Variants in CNGB3 observed in about 807,000 individuals in gnomAD.
CNGB3 encodes cyclic nucleotide gated channel subunit beta 3.
CNGB3 carries 86 observed loss-of-function variants against 92.8 expected under a neutral mutation model. The observed-to-expected ratio is 0.93, with a 90% CI of 0.78 to 1.11. The LOEUF (loss-of-function observed/expected upper bound fraction) is 1.11. Among genes scored for constraint, CNGB3 ranks in the 50% least tolerant of loss-of-function variants. CNGB3 has a pLI of 0.00. For synonymous variants in CNGB3, 333 were observed against 332.7 expected (o/e 1.00, Z -0.01); for missense variants, 1,026 against 956.8 (o/e 1.07, Z -0.95).
intron 3 of CNGB3, among the ~76,000 whole-genome samples, chr8:86,701,451 G>A (rs189281836): frequency 3.3e-5 from 5 of 152,170 alleles, no homozygotes; most frequent in Admixed American, 3.3e-4. Context: ...AAGCTTTGGA[G>A]GACATCTCAT....
rs369251396 is a variant in CNGB3, at chr8:86,600,715, T to C, written c.1781+3378A>G. The stretch of plus-strand genomic sequence containing the variant: ...AGCTCTGCCTCCTGGGTTCATGCTA[T>C]TCTCCTGCCTCAGCCTCCCGAGTAG... On this transcript the variant is annotated intron_variant, in intron 15 of 17. Transcript: ENST00000320005. Among the ~76,000 whole-genome samples the C allele has an allele frequency of 2.5e-3, 369 of 150,098 alleles. 9 individuals are homozygous for C. The South Asian group carries it at 0.028, about 12-fold the overall frequency.
chr8:86,619,476 T>C (rs931673523), intron 13 of CNGB3, among the ~76,000 whole-genome samples: 10 of 152,148 alleles, frequency 6.6e-5, no homozygotes. Context: ...ATCTCTGAGC[T>C]ATTTCAAATC....
chr8:86,635,978 T>G (rs1255399006), intron 10 of CNGB3, among the ~76,000 whole-genome samples: 1 of 150,738 alleles, frequency 6.6e-6, no homozygotes, highest in Admixed American at 6.6e-5. Flanking sequence ...AAACATAACA[T>G]GCAATTTCCC....
chr8:86,604,163 C>G lies in CNGB3; in HGVS notation c.1711G>C (p.Val571Leu). 1 of 1,613,726 alleles carries G rather than the reference C, an allele frequency of 6.2e-7. No homozygotes were observed. The highest frequency in any genetic ancestry group is 8.5e-7 in the Non-Finnish European group (1 of 1,179,686). The change falls in exon 15 of 18, where the codon GTT (valine) becomes CTT (leucine). Residue 571 changes from valine (V) to leucine (L), a missense_variant. Physicochemically the swap from Val to Leu is conservative, Grantham distance 32. Transcript: ENST00000320005. Reference protein sequence around the residue: ...MYIIKHGEVQVLGGPDGTKVL... With the variant: ...MYIIKHGEVQLLGGPDGTKVL... ...TTAGTACCATCAGGGCCTCCAAGAA[C>G]TTGGACTTCTCCATGCTTGATGATA... is the stretch of plus-strand genomic sequence containing the variant.
At chr8:86,591,702 A>G (rs1307953597) in intron 15 of CNGB3, among the ~76,000 whole-genome samples, 150 of 152,116 alleles carry the variant, frequency 9.9e-4, no homozygotes, top group Middle Eastern at 3.4e-3. Flanking sequence ...CCTGTTCTCA[A>G]ATCTCCAGCT....
chr8:86,580,833 C>A (rs560536775), intron 15 of CNGB3, among the ~76,000 whole-genome samples: 1 of 152,174 alleles, frequency 6.6e-6, no homozygotes, highest in African/African-American at 2.4e-5. Flanking sequence ...CAGATTGAAC[C>A]CCTTGGAGTT....
chr8:86,652,398 T>G (rs891745201), intron 7 of CNGB3, among the ~76,000 whole-genome samples: 3 of 152,000 alleles, frequency 2.0e-5, no homozygotes, highest in South Asian at 2.1e-4. Context: ...ATTTAACAAT[T>G]TTTTCTTTAA....
At chr8:86,741,668 A>G (rs1178595418) in intron 1 of CNGB3, among the ~76,000 whole-genome samples, 1 of 152,056 alleles carries the variant, frequency 6.6e-6, no homozygotes, top group African/African-American at 2.4e-5. Flanking sequence ...TCTGTCTCAA[A>G]AAAAACAAAA....
Position 86,666,993 on chromosome 8 carries a change from T to C in CNGB3, c.784A>G (p.Ile262Val), listed in dbSNP as rs1167518788. 1 of 1,613,744 alleles carries C rather than the reference T, an allele frequency of 6.2e-7. No individual in the cohort carries two copies. Among genetic ancestry groups the C allele is most frequent in the Non-Finnish European group, 8.5e-7 (1 of 1,180,010 alleles). ...YWLIADIICD[I>V]IYLYDMLFIQ... ...AATAGCATATCATAAAGGTAGATGA[T>C]ATCACATATGATGTCCGCAATAAGC... Residue 262 changes from isoleucine to valine, a missense_variant, in exon 6 of 18, where the codon ATC becomes GTC. Coordinates refer to ENST00000320005, the MANE Select transcript of CNGB3 (RefSeq NM_019098.5).
intron 13 of CNGB3, among the ~76,000 whole-genome samples, chr8:86,621,357 C>T (rs1272554989): frequency 6.6e-6 from 1 of 152,150 alleles, no homozygotes; most frequent in African/African-American, 2.4e-5. Flanking sequence ...GCTTAGTACA[C>T]ACATAAATAT....
rs73690916 is a variant in CNGB3, at chr8:86,593,802, G to A, written c.1781+10291C>T. The A allele has an allele frequency of 7.6e-3, 10,090 of 1,329,614 alleles. 224 individuals carry two copies. Among genetic ancestry groups the A allele is most frequent in the African/African-American group, 0.05 (3,347 of 67,490 alleles). 82.4% of individuals were successfully genotyped at this position (1,329,614 alleles called of 1,614,324 possible). On this transcript the variant is annotated intron_variant, in intron 15 of 17. Transcript: ENST00000320005. ...TCAATGAGCCCCTGGTAGTAGGGCC[G>A]CAGCTTGTCCACATCTGTCAGGTCA...
At chr8:86,691,266 CT>C (rs1458778821) in intron 3 of CNGB3, among the ~76,000 whole-genome samples, 1 of 151,986 alleles carries the variant, frequency 6.6e-6, no homozygotes, top group African/African-American at 2.4e-5. Context: ...GATCTAGGAG[CT>C]TTTTGGATGA....
intron 3 of CNGB3, among the ~76,000 whole-genome samples, chr8:86,720,838 A>G (rs866188859): frequency 1.1e-4 from 3 of 26,574 alleles, no homozygotes; most frequent in East Asian, 3.5e-3. Flanking sequence ...ATATATATGT[A>G]TACACACACA....
chr8:86,627,033 CA>C (rs140760660), intron 12 of CNGB3, among the ~76,000 whole-genome samples: 11,137 of 151,892 alleles, frequency 0.073, 478 homozygotes, highest in African/African-American at 0.12. Context: ...GGCCAAGGGT[CA>C]CGTTTGTTCC....
At chr8:86,661,975 CG>C in intron 6 of CNGB3, 1 of 501,722 alleles carries the variant, frequency 2.0e-6, no homozygotes, top group Non-Finnish European at 3.6e-6. Flanking sequence ...TCCTGGCCTC[CG>C]TGGTGTCTTG....
intron 2 of CNGB3, among the ~76,000 whole-genome samples, chr8:86,734,179 G>A (rs1361931111): frequency 6.6e-6 from 1 of 152,132 alleles, no homozygotes; most frequent in African/African-American, 2.4e-5. Flanking sequence ...TATTTTTAGA[G>A]TAGTTTTAGC....
At chr8:86,607,016 G>T (rs1822425100) in intron 14 of CNGB3, among the ~76,000 whole-genome samples, 1 of 152,196 alleles carries the variant, frequency 6.6e-6, no homozygotes, top group Non-Finnish European at 1.5e-5. Flanking sequence ...TGAGGACAGG[G>T]TCATATTCCT....
At chr8:86,648,090 T>G (rs1451707753) in intron 7 of CNGB3, among the ~76,000 whole-genome samples, 1 of 151,194 alleles carries the variant, frequency 6.6e-6, no homozygotes, top group Non-Finnish European at 1.5e-5. Context: ...TCTTCCAACA[T>G]ATTTCATTTC....
At chr8:86,614,086 G>A (rs1368066307) in intron 13 of CNGB3, among the ~76,000 whole-genome samples, 2 of 151,416 alleles carry the variant, frequency 1.3e-5, no homozygotes, top group Non-Finnish European at 2.9e-5. Flanking sequence ...TGTTGCCTTG[G>A]CACCAATTTT....
Sources: gnomAD v4.1 joint callset for allele counts (sites outside exome capture counted in the v4.1 genomes callset) on GRCh38, gnomAD v4.1.1 for gene constraint, MANE v1.5 for transcripts, NCBI Gene and HGNC (gene_info 2026-07-23, HGNC 2026-07-21) for gene names.